The following CHST11 variants were observed in gnomAD, a reference collection of about 807,000 sequenced individuals.
The protein encoded by CHST11 is C4S-1.
CHST11 carries 9 observed loss-of-function variants against 30.4 expected under a neutral mutation model. The observed-to-expected ratio is 0.30, with a 90% CI of 0.18 to 0.52. The LOEUF (loss-of-function observed/expected upper bound fraction) is 0.52, where lower values mean the gene tolerates loss of function less well. Among genes scored for constraint, CHST11 ranks in the 20% least tolerant of loss-of-function variants. The pLI is 0.97. For synonymous variants in CHST11, 152 were observed against 187.8 expected (o/e 0.81, Z 1.56); for missense variants, 348 against 460.6 (o/e 0.76, Z 2.24).
Position 104,757,018 on chromosome 12 carries a change from A to C in CHST11, c.274A>C (p.Asn92His). 1 of 1,613,750 alleles carries C rather than the reference A, an allele frequency of 6.2e-7. No individual in the cohort carries two copies. Among genetic ancestry groups the C allele is most frequent in the Non-Finnish European group, 8.5e-7 (1 of 1,179,998 alleles). Reference protein sequence around the residue: ...RDQVTDTCRANSATSRKRRVL... With the variant: ...RDQVTDTCRAHSATSRKRRVL... ...CCAGGTGACAGACACGTGCCGAGCC[A>C]ACAGCGCCACAAGCCGTAAGCGGAG... The change falls in exon 3 of 3, where the codon AAC becomes CAC. Residue 92 changes from asparagine to histidine, a missense_variant. This residue lies in a region of CHST11 where 135 missense variants were observed against 155.8 expected (regional missense o/e 0.87). Transcript: ENST00000303694. This position sits in a 1 kb window ranked among gnomAD's most constrained non-coding sequence, Gnocchi z 6.5.
At chr12:104,628,612 C>T (rs981656109) in intron 2 of CHST11, among the ~76,000 whole-genome samples, 1 of 152,152 alleles carries the variant, frequency 6.6e-6, no homozygotes, top group Non-Finnish European at 1.5e-5. Flanking sequence ...TTCAATAGAG[C>T]TGGCCCCTCC....
chr12:104,684,846 C>G (rs1043193109), intron 2 of CHST11, among the ~76,000 whole-genome samples: 10 of 152,168 alleles, frequency 6.6e-5, no homozygotes, highest in Non-Finnish European at 1.3e-4. Flanking sequence ...ACCACCACAC[C>G]CAGCCCCAAA....
At chr12:104,713,766 C>T (rs936416978) in intron 2 of CHST11, among the ~76,000 whole-genome samples, 2 of 152,212 alleles carry the variant, frequency 1.3e-5, no homozygotes, top group Non-Finnish European at 2.9e-5. Context: ...GCAGTTCAGG[C>T]TCTCTCATTG....
intron 2 of CHST11, among the ~76,000 whole-genome samples, chr12:104,670,814 C>T (rs551964750): frequency 1.3e-5 from 2 of 151,530 alleles, no homozygotes; most frequent in East Asian, 1.9e-4. Context: ...CATAAACACA[C>T]ACCCACACAT....
intron 2 of CHST11, among the ~76,000 whole-genome samples, chr12:104,656,715 A>ACAC (rs2039547780): frequency 6.6e-6 from 1 of 152,228 alleles, no homozygotes; most frequent in Non-Finnish European, 1.5e-5. Flanking sequence ...AGACACAGAT[A>ACAC]CACACTCACA....
rs1008829683 is a variant in CHST11 at position 104,739,918 on chromosome 12, G to A, written c.205-17031G>A. 5.3e-5 allele frequency among the ~76,000 whole-genome samples: 8 copies of A among 152,352 alleles called. 1 individual carries two copies. Among genetic ancestry groups the A allele is most frequent in the East Asian group, 1.9e-4 (1 of 5,184 alleles). On this transcript the variant is annotated intron_variant, in intron 2 of 2. Transcript: ENST00000303694. ...CTCCAGAGTCTGATCTCCAGCCTGT[G>A]CTGATGAGCTTGCTCATCTCCGCAG...
chr12:104,735,036 A>G (rs2040289018), intron 2 of CHST11, among the ~76,000 whole-genome samples: 1 of 152,198 alleles, frequency 6.6e-6, no homozygotes, highest in African/African-American at 2.4e-5. Context: ...GGGGGCAGGC[A>G]TGGTGCTCAA....
chr12:104,491,251 A>G (rs1055704472), intron 1 of CHST11, among the ~76,000 whole-genome samples: 3 of 152,090 alleles, frequency 2.0e-5, no homozygotes, highest in Non-Finnish European at 2.9e-5. Context: ...TGCCAGCCCT[A>G]TTCACCATAC....
chr12:104,529,176 A>G (rs563311691), intron 1 of CHST11, among the ~76,000 whole-genome samples: 26 of 152,350 alleles, frequency 1.7e-4, no homozygotes, highest in African/African-American at 4.3e-4. Context: ...GACCAGAGTA[A>G]CTAAGGAGTT....
chr12:104,525,464 A>G (rs1270028507), intron 1 of CHST11, among the ~76,000 whole-genome samples: 3 of 152,230 alleles, frequency 2.0e-5, no homozygotes, highest in Non-Finnish European at 2.9e-5. Context: ...ATTCATGATT[A>G]AGAGCACAGG....
At chr12:104,705,280 A>G (rs1049064070) in intron 2 of CHST11, among the ~76,000 whole-genome samples, 1 of 152,098 alleles carries the variant, frequency 6.6e-6, no homozygotes, top group African/African-American at 2.4e-5. Flanking sequence ...TTCGGCTCCA[A>G]ATTCATCGCT....
intron 2 of CHST11, among the ~76,000 whole-genome samples, chr12:104,661,365 C>A (rs1344009880): frequency 6.6e-6 from 1 of 151,982 alleles, no homozygotes; most frequent in Non-Finnish European, 1.5e-5. Context: ...CCAGCCTGGG[C>A]AATATGGTAA....
chr12:104,705,047 TC>T (rs1296040919), intron 2 of CHST11, among the ~76,000 whole-genome samples: 2 of 152,088 alleles, frequency 1.3e-5, no homozygotes, highest in Non-Finnish European at 2.9e-5. Flanking sequence ...AAACTCTCCT[TC>T]CCCTCAGAGA....
chr12:104,486,906 G>A (rs1463646256), intron 1 of CHST11, among the ~76,000 whole-genome samples: 1 of 152,138 alleles, frequency 6.6e-6, no homozygotes, highest in Admixed American at 6.5e-5. Context: ...ATACATAATA[G>A]TCCAATTCAG....
At chr12:104,678,192 A>G (rs2039760564) in intron 2 of CHST11, among the ~76,000 whole-genome samples, 1 of 152,198 alleles carries the variant, frequency 6.6e-6, no homozygotes, top group Non-Finnish European at 1.5e-5. Flanking sequence ...CTATTGGCCT[A>G]TCTTAGGGCC....
At chr12:104,497,909 CTTTTTTTT>C (rs1205174607) in intron 1 of CHST11, among the ~76,000 whole-genome samples, 2,043 of 75,862 alleles carry the variant, frequency 0.027, 36 homozygotes, top group African/African-American at 0.081. Context: ...CCTGCCCCCT[CTTTTTTTT>C]TTTTTTTTTT....
intron 2 of CHST11, among the ~76,000 whole-genome samples, chr12:104,695,852 C>T (rs2136110225): frequency 6.6e-6 from 1 of 152,306 alleles, no homozygotes; most frequent in South Asian, 2.1e-4. Flanking sequence ...TGAAGTCACA[C>T]TCCTGGCCTG....
chr12:104,653,099 C>T (rs554234928), intron 2 of CHST11, among the ~76,000 whole-genome samples: 1 of 152,292 alleles, frequency 6.6e-6, no homozygotes, highest in East Asian at 1.9e-4. Context: ...GCCAGAGCTG[C>T]TTCATCTTGC....
intron 2 of CHST11, among the ~76,000 whole-genome samples, chr12:104,687,140 G>A (rs2039853966): frequency 6.6e-6 from 1 of 152,242 alleles, no homozygotes; most frequent in Admixed American, 6.5e-5. Flanking sequence ...AAGAGTGGTT[G>A]CAATAGGGCC....
Sources: allele counts gnomAD v4.1 joint callset (sites outside exome capture counted in the v4.1 genomes callset), GRCh38; gene constraint gnomAD v4.1.1; regional missense constraint gnomAD v4.1.1; non-coding constraint Gnocchi (gnomAD v3.1); transcripts MANE v1.5; gene names NCBI Gene and HGNC (gene_info 2026-07-23, HGNC 2026-07-21).